The following CTNNA3 variants were observed in gnomAD, a reference collection of about 807,000 sequenced individuals.
The protein encoded by CTNNA3 is catenin alpha 3.
Under a neutral mutation model 95.7 loss-of-function variants are expected in CTNNA3, and 76 were observed. The observed-to-expected ratio is 0.79, with a 90% confidence interval of 0.66 to 0.96. The LOEUF (loss-of-function observed/expected upper bound fraction) is 0.96, where lower values mean the gene tolerates loss of function less well. Ranked by LOEUF, CTNNA3 falls within the 40% of genes least tolerant of loss-of-function variation. The pLI, the probability that CTNNA3 is intolerant of heterozygous loss-of-function variation, is 0.00. For synonymous variants in CTNNA3, 431 were observed against 374.4 expected, an observed-to-expected ratio of 1.15 and a Z score of -1.74; for missense variants, 1,191 against 1,089.8, an observed-to-expected ratio of 1.09 and a Z score of -1.31.
intron 13 of CTNNA3, among the ~76,000 whole-genome samples, chr10:66,209,029 A>G (rs999962397): frequency 6.6e-6 from 1 of 152,144 alleles, no homozygotes; most frequent in African/African-American, 2.4e-5. Context: ...ACAATATAGT[A>G]TATTTTTATG....
At chr10:66,988,386 A>G (rs1850852186) in intron 7 of CTNNA3, among the ~76,000 whole-genome samples, 1 of 152,200 alleles carries the variant, frequency 6.6e-6, no homozygotes, top group Admixed American at 6.5e-5. Flanking sequence ...TTAAGCCAAT[A>G]CAATGATTTT....
intron 7 of CTNNA3, among the ~76,000 whole-genome samples, chr10:66,981,093 G>A (rs1850411227): frequency 6.6e-6 from 1 of 151,896 alleles, no homozygotes; most frequent in African/African-American, 2.4e-5. Flanking sequence ...TTACTAGAGA[G>A]GGATTTCTCC....
intron 6 of CTNNA3, among the ~76,000 whole-genome samples, chr10:67,186,027 C>CAAA (rs201984879): frequency 3.1e-5 from 3 of 97,438 alleles, no homozygotes; most frequent in Admixed American, 1.0e-4. Context: ...CTCCGTCTCA[C>CAAA]AAAAAAAAAA....
chr10:66,092,418 T>C (rs1278589736), intron 14 of CTNNA3, among the ~76,000 whole-genome samples: 1 of 151,092 alleles, frequency 6.6e-6, no homozygotes, highest in Admixed American at 6.6e-5. Flanking sequence ...TGTCTTATGA[T>C]GGTTTATACA....
At chr10:66,298,633 A>G (rs2132220982) in intron 12 of CTNNA3, among the ~76,000 whole-genome samples, 1 of 151,976 alleles carries the variant, frequency 6.6e-6, no homozygotes. Context: ...TTATTGGGAG[A>G]CGGTACCTGC....
intron 17 of CTNNA3, among the ~76,000 whole-genome samples, chr10:65,932,733 A>T (rs1311116218): frequency 6.6e-6 from 1 of 152,114 alleles, no homozygotes; most frequent in Non-Finnish European, 1.5e-5. Flanking sequence ...TTCTTATTCT[A>T]CCTCTGAATA....
chr10:67,537,049 T>A (rs915760492), intron 4 of CTNNA3, among the ~76,000 whole-genome samples: 7 of 152,158 alleles, frequency 4.6e-5, no homozygotes, highest in Admixed American at 6.5e-5. Context: ...AGATGCCACT[T>A]CCTTTTTCAT....
chr10:67,072,287 A>T (rs2723390), intron 7 of CTNNA3, among the ~76,000 whole-genome samples: 88,507 of 152,142 alleles, frequency 0.58, 26,123 homozygotes, highest in Middle Eastern at 0.7. Context: ...CCACTTCTCC[A>T]ATCGAATTTT....
intron 2 of CTNNA3, among the ~76,000 whole-genome samples, chr10:67,620,089 G>C (rs1168736256): frequency 6.6e-6 from 1 of 152,066 alleles, no homozygotes; most frequent in Non-Finnish European, 1.5e-5. Context: ...CAGAGTCTGA[G>C]GGTACACAGA....
At chr10:67,099,515 A>G (rs963972466) in intron 7 of CTNNA3, 3 of 152,234 alleles carry the variant, frequency 2.0e-5, no homozygotes, top group Non-Finnish European at 2.9e-5. Context: ...TCTCTTCCAA[A>G]GAAGTTATAT....
intron 11 of CTNNA3, among the ~76,000 whole-genome samples, chr10:66,453,813 C>A (rs1463231699): frequency 1.3e-5 from 2 of 152,156 alleles, no homozygotes; most frequent in Non-Finnish European, 2.9e-5. Flanking sequence ...AGAAGGTAAA[C>A]AAAGCCTCTT....
intron 9 of CTNNA3, among the ~76,000 whole-genome samples, chr10:66,737,323 C>G (rs1171896588): frequency 6.6e-6 from 1 of 152,064 alleles, no homozygotes; most frequent in African/African-American, 2.4e-5. Flanking sequence ...GCAAAATATT[C>G]CGTGGCCAGT....
chr10:67,327,497 A>G (rs1002317908), intron 5 of CTNNA3, among the ~76,000 whole-genome samples: 2 of 152,272 alleles, frequency 1.3e-5, no homozygotes. Flanking sequence ...TACAGGGCCA[A>G]TGCTTAGCTC....
At chr10:67,600,147 C>T (rs951976561) in intron 3 of CTNNA3, among the ~76,000 whole-genome samples, 4 of 151,962 alleles carry the variant, frequency 2.6e-5, no homozygotes, top group African/African-American at 9.7e-5. Flanking sequence ...CATCTAAATG[C>T]TTATAAATGG....
chr10:66,718,260 C>T (rs1848516472), intron 9 of CTNNA3, among the ~76,000 whole-genome samples: 1 of 151,860 alleles, frequency 6.6e-6, no homozygotes, highest in African/African-American at 2.4e-5. Context: ...TCCTATTTTA[C>T]TGCATTATTT....
At chr10:65,921,590 G>A (rs757308157) in intron 17 of CTNNA3, among the ~76,000 whole-genome samples, 29 of 152,196 alleles carry the variant, frequency 1.9e-4, no homozygotes, top group East Asian at 3.9e-4. Flanking sequence ...CTAAGCCTAC[G>A]TGAACCTCAC....
chr10:66,153,690 G>A (rs1320370618), intron 13 of CTNNA3, among the ~76,000 whole-genome samples: 3 of 151,880 alleles, frequency 2.0e-5, no homozygotes, highest in Non-Finnish European at 4.4e-5. Flanking sequence ...GATGCCAAGA[G>A]GATAGATTCT....
chr10:67,205,143 C>T (rs2394347), intron 6 of CTNNA3, among the ~76,000 whole-genome samples: 9,710 of 152,238 alleles, frequency 0.064, 467 homozygotes, highest in African/African-American at 0.13. Context: ...AACATTTAAA[C>T]TATAAACTAA....
chr10:66,508,210 G>GT (rs756807793), intron 11 of CTNNA3, among the ~76,000 whole-genome samples: 7,155 of 108,342 alleles, frequency 0.066, 906 homozygotes, highest in African/African-American at 0.23. Flanking sequence ...TTTGTTTTCT[G>GT]TTTTTTTTTT....
Sources: gnomAD v4.1 joint callset for allele counts (sites outside exome capture counted in the v4.1 genomes callset) on GRCh38, gnomAD v4.1.1 for gene constraint, MANE v1.5 for transcripts, NCBI Gene and HGNC (gene_info 2026-07-23, HGNC 2026-07-21) for gene names.